Variants in CNTNAP4 observed in about 807,000 individuals in gnomAD.
CNTNAP4 encodes the protein contactin associated protein family member 4.
In CNTNAP4, 98 loss-of-function variants were observed where a neutral mutation model predicts 148.4. The observed-to-expected ratio is 0.66, with a 90% CI of 0.56 to 0.78. CNTNAP4 has a LOEUF of 0.78. Ranked by LOEUF, CNTNAP4 falls within the 30% of genes least tolerant of loss-of-function variation. The pLI, the probability that CNTNAP4 is intolerant of heterozygous loss-of-function variation, is 0.00. For synonymous variants in CNTNAP4, 730 were observed against 565.1 expected (o/e 1.29, Z -4.14); for missense variants, 1,935 against 1,565.6 (o/e 1.24, Z -3.98).
chr16:76,300,374 G>A (rs1175085355), intron 1 of CNTNAP4, among the ~76,000 whole-genome samples: 15 of 152,096 alleles, frequency 9.9e-5, no homozygotes. Flanking sequence ...ACACAGGGAG[G>A]GGAACATCAC....
chr16:76,551,485 A>G (rs537252732), intron 21 of CNTNAP4, among the ~76,000 whole-genome samples: 1 of 151,886 alleles, frequency 6.6e-6, no homozygotes, highest in African/African-American at 2.4e-5. Context: ...TTTAAAAAAT[A>G]AATAAATAAA....
At chr16:76,462,694 A>G (rs2081023080) in intron 9 of CNTNAP4, among the ~76,000 whole-genome samples, 1 of 152,188 alleles carries the variant, frequency 6.6e-6, no homozygotes. Context: ...GTTTGTTTGA[A>G]CTAAAAGCCT....
At chr16:76,328,156 A>T (rs755044166) in intron 2 of CNTNAP4, among the ~76,000 whole-genome samples, 2 of 152,244 alleles carry the variant, frequency 1.3e-5, no homozygotes, top group Non-Finnish European at 1.5e-5. Flanking sequence ...TCAACACTGT[A>T]CATTATTGGA....
At chr16:76,378,499 A>T (rs949863088) in intron 3 of CNTNAP4, among the ~76,000 whole-genome samples, 3 of 152,142 alleles carry the variant, frequency 2.0e-5, no homozygotes, top group Non-Finnish European at 4.4e-5. Flanking sequence ...TAAGACCAGG[A>T]TTTGTATGTG....
At position 76,528,012 on chromosome 16, in the gene CNTNAP4, T is replaced by C. The variant is rs373258870; in HGVS notation, c.2755+5755T>C. ...TGTTAAAAATGTACCTTCTTCTTGG[T>C]AAACAAATTTGGTAGAACCCTATTG... On this transcript the variant is annotated intron_variant, in intron 17 of 23. Coordinates refer to ENST00000611870, the MANE Select transcript of CNTNAP4 (RefSeq NM_033401.5). 9.2e-5 allele frequency among the ~76,000 whole-genome samples: 14 copies of C among 152,286 alleles called. No individual in the cohort carries two copies. The South Asian group carries it at 2.5e-3, about 27-fold the overall frequency.
At chr16:76,434,110 ATAATT>A (rs2079721360) in intron 4 of CNTNAP4, among the ~76,000 whole-genome samples, 1 of 148,866 alleles carries the variant, frequency 6.7e-6, no homozygotes, top group Non-Finnish European at 1.5e-5. Flanking sequence ...ATACATTTGT[ATAATT>A]AAAATATATA....
intron 2 of CNTNAP4, among the ~76,000 whole-genome samples, chr16:76,331,298 C>G (rs1246326634): frequency 7.2e-5 from 11 of 152,014 alleles, no homozygotes; most frequent in Non-Finnish European, 1.5e-4. Context: ...CACCATTGTC[C>G]TGTCTCAGCC....
intron 1 of CNTNAP4, among the ~76,000 whole-genome samples, chr16:76,298,664 G>A (rs1959595303): frequency 6.6e-6 from 1 of 152,076 alleles, no homozygotes; most frequent in Admixed American, 6.6e-5. Flanking sequence ...GTAATGGGGT[G>A]GCTGCAGCCA....
intron 1 of CNTNAP4, among the ~76,000 whole-genome samples, chr16:76,299,473 A>G (rs1361706520): frequency 6.6e-6 from 1 of 152,176 alleles, no homozygotes; most frequent in Non-Finnish European, 1.5e-5. Flanking sequence ...TAGAATGGCG[A>G]TCATTAAAAA....
chr16:76,319,499 TC>T (rs1962180821), intron 2 of CNTNAP4, among the ~76,000 whole-genome samples: 1 of 152,162 alleles, frequency 6.6e-6, no homozygotes, highest in Non-Finnish European at 1.5e-5. Flanking sequence ...TTGAATTGTG[TC>T]CTCCTAAAAG....
chr16:76,332,245 T>G (rs77339484), intron 2 of CNTNAP4, among the ~76,000 whole-genome samples: 1 of 152,076 alleles, frequency 6.6e-6, no homozygotes, highest in African/African-American at 2.4e-5. Flanking sequence ...TTTTATCAAA[T>G]TTGGAAAGTT....
At chr16:76,376,462 A>G (rs1252973531) in intron 3 of CNTNAP4, among the ~76,000 whole-genome samples, 1 of 152,104 alleles carries the variant, frequency 6.6e-6, no homozygotes, top group Non-Finnish European at 1.5e-5. Context: ...AAGGAAGAAA[A>G]AAAGTAAAGA....
chr16:76,317,062 T>C (rs532711921), intron 2 of CNTNAP4, among the ~76,000 whole-genome samples: 2 of 151,688 alleles, frequency 1.3e-5, no homozygotes, highest in East Asian at 3.9e-4. Flanking sequence ...AGTGAGGAGT[T>C]CAAGACCAGC....
intron 2 of CNTNAP4, among the ~76,000 whole-genome samples, chr16:76,330,805 A>C (rs1191088167): frequency 6.6e-6 from 1 of 152,246 alleles, no homozygotes; most frequent in Non-Finnish European, 1.5e-5. Flanking sequence ...AGTGAAAAAC[A>C]GTAAGAAATA....
chr16:76,525,149 A>G (rs746346468), intron 17 of CNTNAP4, among the ~76,000 whole-genome samples: 26 of 152,160 alleles, frequency 1.7e-4, no homozygotes, highest in Non-Finnish European at 2.9e-4. Context: ...TCAATTTACA[A>G]CATTACTATC....
At chr16:76,345,917 A>G (rs1159337252) in intron 2 of CNTNAP4, among the ~76,000 whole-genome samples, 57 of 152,192 alleles carry the variant, frequency 3.7e-4, no homozygotes, top group Admixed American at 3.7e-3. Context: ...CATCACATAC[A>G]TCACTAATAA....
intron 12 of CNTNAP4, among the ~76,000 whole-genome samples, chr16:76,489,386 CA>C (rs547046662): frequency 4.5e-4 from 68 of 152,070 alleles, no homozygotes; most frequent in African/African-American, 1.6e-3. Context: ...AAATACATCA[CA>C]AAAATAATCA....
chr16:76,377,470 C>A (rs1018024275), intron 3 of CNTNAP4, among the ~76,000 whole-genome samples: 1 of 151,960 alleles, frequency 6.6e-6, no homozygotes, highest in African/African-American at 2.4e-5. Context: ...AGAATATACA[C>A]GTTTATAATT....
intron 20 of CNTNAP4, among the ~76,000 whole-genome samples, chr16:76,540,468 C>T (rs1235262133): frequency 7.3e-5 from 11 of 151,680 alleles, no homozygotes; most frequent in Admixed American, 7.2e-4. Flanking sequence ...GCACTGGCAT[C>T]TGAGGGTAGT....
Sources: gnomAD v4.1 joint callset for allele counts (sites outside exome capture counted in the v4.1 genomes callset) on GRCh38, gnomAD v4.1.1 for gene constraint, MANE v1.5 for transcripts, NCBI Gene and HGNC (gene_info 2026-07-23, HGNC 2026-07-21) for gene names.